Variants in CADPS observed in about 807,000 individuals in gnomAD.
CADPS encodes calcium dependent secretion activator.
Under a neutral mutation model 167.3 loss-of-function variants are expected in CADPS, and 57 were observed. That is an observed-to-expected ratio of 0.34 (90% CI 0.28 to 0.42). CADPS has a LOEUF of 0.42. Ranked by LOEUF, CADPS falls within the 20% of genes least tolerant of loss-of-function variation. The pLI, the probability that CADPS is intolerant of heterozygous loss-of-function variation, is 1.00. For missense variants in CADPS, 1,414 were observed against 1,738.1 expected (o/e 0.81, Z 3.32); for synonymous variants, 676 against 635.3 (o/e 1.06, Z -0.96).
intron 1 of CADPS, among the ~76,000 whole-genome samples, chr3:62,839,919 G>C (rs1305738882): frequency 1.3e-5 from 2 of 152,178 alleles, no homozygotes; most frequent in Non-Finnish European, 2.9e-5. Context: ...TGGATGACCA[G>C]ATGCATGGTG....
chr3:62,777,476 AGT>A (rs1036873637), intron 1 of CADPS, among the ~76,000 whole-genome samples: 4 of 152,188 alleles, frequency 2.6e-5, no homozygotes, highest in Non-Finnish European at 5.9e-5. Flanking sequence ...CAGGACAAAG[AGT>A]GAAGGTGATC....
intron 3 of CADPS, among the ~76,000 whole-genome samples, chr3:62,667,797 G>A (rs534764608): frequency 5.9e-5 from 9 of 152,020 alleles, no homozygotes; most frequent in African/African-American, 2.2e-4. Flanking sequence ...GAATTTTGGG[G>A]GTGGGGGGAG....
At chr3:62,856,280 T>C (rs944001275) in intron 1 of CADPS, among the ~76,000 whole-genome samples, 1 of 152,086 alleles carries the variant, frequency 6.6e-6, no homozygotes, top group Non-Finnish European at 1.5e-5. Flanking sequence ...TAGGAATAAA[T>C]TTAACAATAA....
At chr3:62,679,069 T>A (rs1029625124) in intron 3 of CADPS, among the ~76,000 whole-genome samples, 9 of 151,962 alleles carry the variant, frequency 5.9e-5, no homozygotes, top group African/African-American at 1.9e-4. Context: ...ACCAAGAAAA[T>A]AACCTTTAGA....
Position 62,438,502 on chromosome 3 carries a change from T to C in CADPS, c.3670-291A>G. On this transcript the variant is annotated intron_variant, in intron 27 of 29. Coordinates refer to ENST00000383710, the MANE Select transcript of CADPS (RefSeq NM_003716.4). The surrounding 1 kb of genome is among the most constrained non-coding windows in gnomAD (Gnocchi z 4.7). ...CTGGCAAATTTATCTAATGGATAAA[T>C]CTTTACTGCATAACCCATAGATGTT... is the stretch of plus-strand genomic sequence containing the variant. 1 of 355,752 alleles carries C rather than the reference T, an allele frequency of 2.8e-6. No individual in the cohort carries two copies. The highest frequency in any genetic ancestry group is 5.3e-6 in the Non-Finnish European group (1 of 190,334). 22.0% of individuals were successfully genotyped at this position (355,752 alleles called of 1,614,324 possible). A position where few individuals can be genotyped will look rare whatever the true frequency, so the allele number is the denominator to read the frequency against.
intron 3 of CADPS, among the ~76,000 whole-genome samples, chr3:62,664,167 C>G (rs902066005): frequency 3.9e-5 from 6 of 152,100 alleles, no homozygotes; most frequent in Non-Finnish European, 8.8e-5. Flanking sequence ...CCATTGTGCC[C>G]AGCTAATTTT....
chr3:62,527,151 A>C (rs1292605221), intron 13 of CADPS, among the ~76,000 whole-genome samples: 1 of 152,184 alleles, frequency 6.6e-6, no homozygotes, highest in Admixed American at 6.5e-5. Flanking sequence ...GTACAAACTG[A>C]AAATCAGTGG....
intron 21 of CADPS, among the ~76,000 whole-genome samples, chr3:62,482,871 A>T (rs1323106578): frequency 6.6e-6 from 1 of 152,214 alleles, no homozygotes; most frequent in Non-Finnish European, 1.5e-5. Context: ...ATGTTACCTC[A>T]TACCAGCCTT....
intron 28 of CADPS, among the ~76,000 whole-genome samples, chr3:62,424,956 A>G (rs1394520548): frequency 1.3e-5 from 2 of 152,228 alleles, no homozygotes; most frequent in Non-Finnish European, 2.9e-5. Flanking sequence ...CTAGTGGTGA[A>G]TTAGGTAGAC....
chr3:62,737,520 T>C (rs1034911969), intron 3 of CADPS, among the ~76,000 whole-genome samples: 1 of 151,852 alleles, frequency 6.6e-6, no homozygotes, highest in African/African-American at 2.4e-5. Flanking sequence ...AAGAGTCATA[T>C]CAAGATTCTA....
At position 62,653,423 on chromosome 3, in the gene CADPS, C is replaced by T. The variant is rs568825913; in HGVS notation, c.970-2343G>A. Among the ~76,000 whole-genome samples, 9 of 152,256 alleles carry T rather than the reference C, an allele frequency of 5.9e-5. No individual in the cohort carries two copies. In the South Asian group the frequency reaches 1.9e-3, roughly 32 times the overall value. On this transcript the variant is annotated intron_variant, in intron 4 of 29. Transcript: ENST00000383710. Reference sequence around the variant, plus strand: ...GATGGTGGCTTGATTTTGAACTTCCCAGCCTCCAGAACTGTGAGAAACAAA... The same window carrying T: ...GATGGTGGCTTGATTTTGAACTTCCTAGCCTCCAGAACTGTGAGAAACAAA...
intron 3 of CADPS, among the ~76,000 whole-genome samples, chr3:62,742,665 T>C (rs1023368165): frequency 2.0e-5 from 3 of 152,048 alleles, no homozygotes; most frequent in Admixed American, 6.6e-5. Flanking sequence ...CTCAAAACTA[T>C]AAAAACCCTG....
At chr3:62,701,121 A>T (rs890176572) in intron 3 of CADPS, among the ~76,000 whole-genome samples, 1 of 152,058 alleles carries the variant, frequency 6.6e-6, no homozygotes, top group Non-Finnish European at 1.5e-5. Flanking sequence ...TAATACTATC[A>T]CGCTGAACGT....
intron 3 of CADPS, among the ~76,000 whole-genome samples, chr3:62,714,915 A>G (rs1028440307): frequency 1.3e-4 from 20 of 152,202 alleles, no homozygotes; most frequent in Non-Finnish European, 4.4e-5. Context: ...AACAATTTAA[A>G]TTTAAACAAA....
chr3:62,826,460 G>T (rs562488837), intron 1 of CADPS, among the ~76,000 whole-genome samples: 2 of 152,226 alleles, frequency 1.3e-5, no homozygotes, highest in South Asian at 4.1e-4. Context: ...TAGGATCTCT[G>T]TCTTATGTCT....
intron 28 of CADPS, among the ~76,000 whole-genome samples, chr3:62,418,295 A>G (rs934450763): frequency 1.4e-5 from 2 of 144,362 alleles, no homozygotes; most frequent in East Asian, 2.0e-4. Flanking sequence ...CATGGGTTAC[A>G]TGTTTTCTTT....
intron 28 of CADPS, among the ~76,000 whole-genome samples, chr3:62,432,591 C>T (rs941006488): frequency 7.2e-5 from 11 of 152,100 alleles, no homozygotes; most frequent in African/African-American, 2.7e-4. Context: ...AAAAGCATTT[C>T]CATTTTGATG....
At position 62,514,479 on chromosome 3, in the gene CADPS, T is replaced by C. The variant is rs1480423085; in HGVS notation, c.2581+1580A>G. On this transcript the variant is annotated intron_variant, in intron 16 of 29. Transcript: ENST00000383710. This position sits in a 1 kb window ranked among gnomAD's most constrained non-coding sequence, Gnocchi z 4.2. ...TGAAAAGAGAGTTGAAAAAAAAGAATTGGTTTCTTCAAAGAATCCCCAGAC... is the reference window on the plus strand; with the variant it reads ...TGAAAAGAGAGTTGAAAAAAAAGAACTGGTTTCTTCAAAGAATCCCCAGAC... Among the ~76,000 whole-genome samples the C allele has an allele frequency of 1.3e-5, 2 of 152,002 alleles. No individual in the cohort carries two copies. The highest frequency in any genetic ancestry group is 4.8e-5 in the African/African-American group (2 of 41,404).
chr3:62,794,691 T>C lies in CADPS; in HGVS notation c.442-28707A>G, dbSNP rs551881241. Reference sequence around the variant, plus strand: ...TAATGTCCCTCATTCCATCATCTTTTTTCCCTAAGGATGGGAGGGCCCCGC... The same window carrying C: ...TAATGTCCCTCATTCCATCATCTTTCTTCCCTAAGGATGGGAGGGCCCCGC... On this transcript the variant is annotated intron_variant, in intron 1 of 29. Transcript: ENST00000383710. 5.9e-5 allele frequency among the ~76,000 whole-genome samples: 9 copies of C among 151,706 alleles called. No individual in the cohort carries two copies. In the South Asian group the frequency reaches 1.9e-3, roughly 32 times the overall value.
Sources: allele counts gnomAD v4.1 joint callset (sites outside exome capture counted in the v4.1 genomes callset), GRCh38; gene constraint gnomAD v4.1.1; non-coding constraint Gnocchi (gnomAD v3.1); transcripts MANE v1.5; gene names NCBI Gene and HGNC (gene_info 2026-07-23, HGNC 2026-07-21).